The following MYO3A variants were observed in gnomAD, a reference collection of about 807,000 sequenced individuals.
The protein encoded by MYO3A is myosin-IIIa.
In MYO3A, 180 loss-of-function variants were observed where a neutral mutation model predicts 192.7. That is an observed-to-expected ratio of 0.93 (90% CI 0.83 to 1.06). The LOEUF is 1.06. Among genes scored for constraint, MYO3A ranks in the 50% least tolerant of loss-of-function variants. The pLI is 0.00. For missense variants in MYO3A, 1,896 were observed against 1,905.0 expected, an observed-to-expected ratio of 1.00 and a Z score of 0.09; for synonymous variants, 628 against 645.3, an observed-to-expected ratio of 0.97 and a Z score of 0.41.
chr10:26,133,629 T>C (rs939375327), intron 20 of MYO3A, among the ~76,000 whole-genome samples: 2 of 152,248 alleles, frequency 1.3e-5, no homozygotes, highest in Non-Finnish European at 2.9e-5. Flanking sequence ...GGTCTTGCCC[T>C]GCTGCCCAAA....
At chr10:26,033,452 A>G (rs554421732) in intron 10 of MYO3A, among the ~76,000 whole-genome samples, 1 of 152,194 alleles carries the variant, frequency 6.6e-6, no homozygotes, top group East Asian at 1.9e-4. Context: ...ATCTTAACCT[A>G]TTCCTCTCTC....
intron 15 of MYO3A, among the ~76,000 whole-genome samples, chr10:26,094,420 C>CTTTTTTTT (rs965507109): frequency 6.9e-5 from 7 of 101,304 alleles, no homozygotes; most frequent in Non-Finnish European, 9.6e-5. Flanking sequence ...TGAATAATTT[C>CTTTTTTTT]TTTTTTTTTT....
chr10:25,974,182 A>C (rs1333304358), intron 4 of MYO3A, among the ~76,000 whole-genome samples: 1 of 152,238 alleles, frequency 6.6e-6, no homozygotes, highest in African/African-American at 2.4e-5. Context: ...AAATTTTTGC[A>C]ATCTACGCAT....
At chr10:25,994,340 G>A (rs1840275393) in intron 4 of MYO3A, among the ~76,000 whole-genome samples, 1 of 152,106 alleles carries the variant, frequency 6.6e-6, no homozygotes, top group Non-Finnish European at 1.5e-5. Context: ...TGCAACCCCT[G>A]CATTTTTTTG....
At chr10:26,001,164 CCACT>C (rs1840779615) in intron 6 of MYO3A, among the ~76,000 whole-genome samples, 1 of 152,152 alleles carries the variant, frequency 6.6e-6, no homozygotes, top group Non-Finnish European at 1.5e-5. Context: ...ACACTTCCTA[CCACT>C]CTCACTCGCC....
At chr10:26,205,365 C>T (rs7913918) in intron 34 of MYO3A, among the ~76,000 whole-genome samples, 16,296 of 151,708 alleles carry the variant, frequency 0.11, 1,071 homozygotes, top group African/African-American at 0.18. Flanking sequence ...ATTCCTCCTG[C>T]CTAACTGACA....
intron 6 of MYO3A, among the ~76,000 whole-genome samples, chr10:26,015,865 T>C (rs114256557): frequency 0.015 from 2,314 of 152,256 alleles, 73 homozygotes; most frequent in African/African-American, 0.053. Context: ...AGAAATAAAA[T>C]ATATTTCCAT....
chr10:25,947,389 C>CTTTTTCTTTTTTT (rs1836916518), intron 2 of MYO3A, among the ~76,000 whole-genome samples: 1 of 91,866 alleles, frequency 1.1e-5, no homozygotes, highest in African/African-American at 4.2e-5. Flanking sequence ...TTTTCTTTTT[C>CTTTTTCTTTTTTT]TTTTTTTTTT....
At chr10:25,985,356 T>C (rs1839587249) in intron 4 of MYO3A, among the ~76,000 whole-genome samples, 1 of 139,008 alleles carries the variant, frequency 7.2e-6, no homozygotes, top group Non-Finnish European at 1.6e-5. Context: ...AGAAAAGAAA[T>C]AATGAAGATC....
At chr10:26,037,051 A>T (rs1023815615) in intron 10 of MYO3A, among the ~76,000 whole-genome samples, 1 of 152,216 alleles carries the variant, frequency 6.6e-6, no homozygotes, top group Non-Finnish European at 1.5e-5. Flanking sequence ...GTGACTCTGT[A>T]CAAGTTACTG....
At chr10:26,012,754 A>G (rs1442897679) in intron 6 of MYO3A, among the ~76,000 whole-genome samples, 1 of 152,190 alleles carries the variant, frequency 6.6e-6, no homozygotes, top group Non-Finnish European at 1.5e-5. Context: ...TAAAATTAAT[A>G]TGGAACCCAA....
At chr10:26,114,138 A>T (rs1838363921) in intron 17 of MYO3A, among the ~76,000 whole-genome samples, 1 of 152,080 alleles carries the variant, frequency 6.6e-6, no homozygotes, top group Non-Finnish European at 1.5e-5. Flanking sequence ...CTTTCTCAAC[A>T]GGAGCATCAA....
intron 29 of MYO3A, 23 bp from the exon 30 acceptor site, chr10:26,173,640 C>A (rs1282544877): frequency 1.9e-6 from 3 of 1,600,162 alleles, no homozygotes; most frequent in Admixed American, 1.7e-5. Flanking sequence ...ACTGTATATT[C>A]AAAGATAATA....
intron 6 of MYO3A, among the ~76,000 whole-genome samples, chr10:26,013,425 TAA>T (rs148030068): frequency 1.3e-5 from 2 of 148,376 alleles, no homozygotes; most frequent in African/African-American, 4.9e-5. Flanking sequence ...AAATTACCAA[TAA>T]AAAAAAAGTC....
chr10:25,952,428 T>A, intron 3 of MYO3A, 150 bp downstream of exon 3: 2 of 995,438 alleles, frequency 2.0e-6, no homozygotes, highest in Non-Finnish European at 2.9e-6. Flanking sequence ...GTCTACTTAT[T>A]TGCTTTTCCA....
chr10:26,018,680 T>TC (rs1423916433), intron 7 of MYO3A, among the ~76,000 whole-genome samples: 1 of 152,132 alleles, frequency 6.6e-6, no homozygotes, highest in Non-Finnish European at 1.5e-5. Flanking sequence ...GTACAACTTA[T>TC]CATACAAACC....
intron 7 of MYO3A, among the ~76,000 whole-genome samples, chr10:26,018,032 C>A (rs1842077498): frequency 1.3e-5 from 2 of 149,902 alleles, no homozygotes; most frequent in Non-Finnish European, 3.0e-5. Context: ...TAATTAATAT[C>A]CTAGCTTTAT....
chr10:26,163,537 C>CT (rs1304465210), intron 26 of MYO3A, among the ~76,000 whole-genome samples: 1 of 152,072 alleles, frequency 6.6e-6, no homozygotes, highest in East Asian at 1.9e-4. Flanking sequence ...TCCAGAGAGA[C>CT]TTTAAGCTTG....
At chr10:26,210,792 C>G (rs1358938498) in intron 34 of MYO3A, among the ~76,000 whole-genome samples, 1 of 152,206 alleles carries the variant, frequency 6.6e-6, no homozygotes, top group Admixed American at 6.5e-5. Context: ...GGTCTCCTTG[C>G]TGTTCCTTGA....
Sources: allele counts gnomAD v4.1 joint callset (sites outside exome capture counted in the v4.1 genomes callset), GRCh38; gene constraint gnomAD v4.1.1; transcripts MANE v1.5; gene names NCBI Gene and HGNC (gene_info 2026-07-23, HGNC 2026-07-21).